Variants in CLASP1 observed in about 807,000 individuals in gnomAD.
CLASP1 encodes CLIP-associating protein 1.
Under a neutral mutation model 192.3 loss-of-function variants are expected in CLASP1, and 38 were observed. The ratio of observed to expected loss-of-function variants is 0.20; its 90% CI spans 0.15 to 0.26. The LOEUF is 0.26. Among genes scored for constraint, CLASP1 ranks in the 10% least tolerant of loss-of-function variants. The pLI, the probability that CLASP1 is intolerant of heterozygous loss-of-function variation, is 1.00. For missense variants in CLASP1, 1,433 were observed against 1,932.5 expected, an observed-to-expected ratio of 0.74 and a Z score of 4.85; for synonymous variants, 691 against 712.8, an observed-to-expected ratio of 0.97 and a Z score of 0.49.
At chr2:121,463,550 T>C (rs777076794) in intron 9 of CLASP1, among the ~76,000 whole-genome samples, 4 of 152,158 alleles carry the variant, frequency 2.6e-5, no homozygotes, top group Non-Finnish European at 5.9e-5. Context: ...CTGGATCCCA[T>C]TGAGCAGATA....
chr2:121,581,431 C>T lies in CLASP1; in HGVS notation c.195+24270G>A, dbSNP rs577273802. 6.2e-3 allele frequency among the ~76,000 whole-genome samples: 938 copies of T among 151,378 alleles called. 13 individuals are homozygous for T. Among genetic ancestry groups the T allele is most frequent in the African/African-American group, 0.021 (866 of 41,124 alleles). On this transcript the variant is annotated intron_variant, in intron 2 of 39. Transcript: ENST00000263710. ...CTGGGACTACAGGCGCCCGCCACCA[C>T]GCCCGGCTAATTTTTTGTATTTTTA...
intron 4 of CLASP1, 62 bp downstream of exon 4, chr2:121,528,615 C>A: frequency 7.9e-7 from 1 of 1,260,964 alleles, no homozygotes; most frequent in Non-Finnish European, 1.2e-6. Flanking sequence ...CACACACACA[C>A]CCTCGCACGT....
chr2:121,600,389 G>A (rs2063659749), intron 2 of CLASP1, among the ~76,000 whole-genome samples: 2 of 152,170 alleles, frequency 1.3e-5, no homozygotes, highest in East Asian at 3.9e-4. Flanking sequence ...TGTACAAACA[G>A]GTTTAACTGA....
chr2:121,446,980 G>A (rs901673666), intron 19 of CLASP1, among the ~76,000 whole-genome samples: 8 of 152,182 alleles, frequency 5.3e-5, no homozygotes, highest in Non-Finnish European at 1.2e-4. Flanking sequence ...TGCTGGCTCT[G>A]CTCCCACCAG....
intron 31 of CLASP1, among the ~76,000 whole-genome samples, chr2:121,387,555 G>A (rs2073517544): frequency 6.6e-6 from 1 of 152,138 alleles, no homozygotes; most frequent in African/African-American, 2.4e-5. Flanking sequence ...TGAAAATGTA[G>A]TTGACTGAAC....
At chr2:121,525,900 G>A (rs1292004958) in exon 6 of CLASP1, 5 of 1,613,216 alleles carry the variant, frequency 3.1e-6, no homozygotes, top group Non-Finnish European at 4.2e-6. Flanking sequence ...CTTGCTTAGT[G>A]TTAAAGTCTG....
rs546680447 is a variant in CLASP1 at position 121,530,969 on chromosome 2, C to G, written c.196-644G>C. 18 of 700,280 alleles carry G rather than the reference C, an allele frequency of 2.6e-5. No homozygotes were observed. Among genetic ancestry groups the G allele is most frequent in the Middle Eastern group, 3.6e-4 (1 of 2,756 alleles). The allele number at this position is 700,280 out of a possible 1,614,324, so 43.4% of individuals were successfully genotyped here. On this transcript the variant is annotated intron_variant, in intron 2 of 39. Transcript: ENST00000263710. ...CGCCTGAACAACACACCCGCATCAA[C>G]TAGAGCTTTTGCTTTATTTTGGTGC... is the stretch of plus-strand genomic sequence containing the variant.
chr2:121,523,844 C>A (rs2094510661), intron 6 of CLASP1, among the ~76,000 whole-genome samples: 1 of 152,208 alleles, frequency 6.6e-6, no homozygotes, highest in Non-Finnish European at 1.5e-5. Flanking sequence ...AGGATCCACA[C>A]AGACAAGACA....
intron 2 of CLASP1, among the ~76,000 whole-genome samples, chr2:121,555,998 T>C (rs934817977): frequency 1.2e-3 from 134 of 116,324 alleles, no homozygotes; most frequent in African/African-American, 4.2e-3. Context: ...CTTTTTTTTT[T>C]TTTTTTTTTT....
At chr2:121,367,900 A>G in intron 34 of CLASP1, 69 bp from the exon 36 acceptor site, 1 of 1,571,612 alleles carries the variant, frequency 6.4e-7, no homozygotes, top group Non-Finnish European at 8.6e-7. Context: ...ATGCTCAGAA[A>G]TATTAAGAAG....
Position 121,363,164 on chromosome 2 carries a change from T to C in CLASP1, c.4206+8A>G. Reference sequence around the variant, plus strand: ...TGTTCAGCACCCCTGGCCACATGACTGACTCACCTCCTTATGGGAGTCTTT... The same window carrying C: ...TGTTCAGCACCCCTGGCCACATGACCGACTCACCTCCTTATGGGAGTCTTT... On this transcript the variant is annotated splice_region_variant and intron_variant, in intron 37 of 39. Transcript: ENST00000263710. 3 of 1,613,972 alleles carry C rather than the reference T, an allele frequency of 1.9e-6. No homozygotes were observed. Among genetic ancestry groups the C allele is most frequent in the Non-Finnish European group, 2.5e-6 (3 of 1,179,854 alleles).
chr2:121,448,530 G>A (rs912736000), intron 17 of CLASP1, among the ~76,000 whole-genome samples: 7 of 152,206 alleles, frequency 4.6e-5, no homozygotes, highest in African/African-American at 1.4e-4. Context: ...AATACAGAGA[G>A]TGAAATAGTA....
rs560460895 is a variant in CLASP1 at position 121,407,728 on chromosome 2, A to G, written c.2425-13T>C. ...TCACAGGCTTCTTCTGACAGGTCCAATGAGGGATGGGAGTGATTGAGGAAG... is the reference window on the plus strand; with the variant it reads ...TCACAGGCTTCTTCTGACAGGTCCAGTGAGGGATGGGAGTGATTGAGGAAG... On this transcript the variant is annotated splice_polypyrimidine_tract_variant and intron_variant, in intron 24 of 39. Transcript: ENST00000263710. 3.7e-6 allele frequency: 6 copies of G among 1,613,858 alleles called. No homozygotes were observed. In the African/African-American group the frequency reaches 4.0e-5, roughly 11 times the overall value.
At chr2:121,548,749 A>G (rs1166518421) in intron 2 of CLASP1, among the ~76,000 whole-genome samples, 1 of 152,070 alleles carries the variant, frequency 6.6e-6, no homozygotes, top group Non-Finnish European at 1.5e-5. Flanking sequence ...GAGATTGGGG[A>G]CCTATATTCA....
chr2:121,530,522 GA>G, intron 2 of CLASP1, 197 bp from the exon 3 acceptor site: 1 of 562,524 alleles, frequency 1.8e-6, no homozygotes. Flanking sequence ...AGCTATAATG[GA>G]AAATACTCGG....
intron 37 of CLASP1, among the ~76,000 whole-genome samples, chr2:121,351,224 C>G (rs2064333251): frequency 6.6e-6 from 1 of 152,226 alleles, no homozygotes; most frequent in African/African-American, 2.4e-5. Context: ...CTCACTGTCC[C>G]TCAGATGTGG....
At chr2:121,514,139 C>G (rs1015170915) in intron 7 of CLASP1, among the ~76,000 whole-genome samples, 1 of 152,214 alleles carries the variant, frequency 6.6e-6, no homozygotes, top group African/African-American at 2.4e-5. Context: ...TTCACCATGT[C>G]ATTTCCCCCT....
At chr2:121,593,672 A>G (rs1192830636) in intron 2 of CLASP1, among the ~76,000 whole-genome samples, 1 of 150,246 alleles carries the variant, frequency 6.7e-6, no homozygotes, top group African/African-American at 2.5e-5. Flanking sequence ...TGAGACCTAA[A>G]TGTAGTGTGT....
intron 32 of CLASP1, among the ~76,000 whole-genome samples, chr2:121,383,816 A>C (rs1016880973): frequency 6.6e-6 from 1 of 151,856 alleles, no homozygotes; most frequent in African/African-American, 2.4e-5. Context: ...TTTATAGCAC[A>C]TAGATCTCTT....
Sources: gnomAD v4.1 joint callset for allele counts (sites outside exome capture counted in the v4.1 genomes callset) on GRCh38, gnomAD v4.1.1 for gene constraint, MANE v1.5 for transcripts, NCBI Gene and HGNC (gene_info 2026-07-23, HGNC 2026-07-21) for gene names.